E2F1: variants seen among roughly 807,000 people sequenced by gnomAD.
E2F1 encodes the protein E2F transcription factor 1, also known as transcription factor E2F1.
Under a neutral mutation model 36.9 loss-of-function variants are expected in E2F1, and 7 were observed. The ratio of observed to expected loss-of-function variants is 0.19; its 90% CI spans 0.11 to 0.36. The LOEUF is 0.36. Among genes scored for constraint, E2F1 ranks in the 10% least tolerant of loss-of-function variants. The pLI is 1.00. For synonymous variants in E2F1, 261 were observed against 263.1 expected (o/e 0.99, Z 0.08); for missense variants, 406 against 573.6 (o/e 0.71, Z 2.99).
chr20:33,685,232 A>C (rs2122553452), intron 1 of E2F1, among the ~76,000 whole-genome samples: 1 of 152,196 alleles, frequency 6.6e-6, no homozygotes, highest in Middle Eastern at 3.4e-3. Flanking sequence ...CTGATTAATG[A>C]GGTTCCATGG....
chr20:33,680,287 G>C (rs1316270880), intron 2 of E2F1, 39 bp downstream of exon 2: 2 of 1,595,278 alleles, frequency 1.3e-6, no homozygotes, highest in Non-Finnish European at 1.7e-6. Context: ...ACCTGGGCCT[G>C]GTCACAGGGG....
chr20:33,679,626 C>T lies in E2F1; in HGVS notation c.572+129G>A. 1 of 800,990 alleles carries T rather than the reference C, an allele frequency of 1.2e-6. No homozygotes were observed. The highest frequency in any genetic ancestry group is 2.1e-6 in the Non-Finnish European group (1 of 468,004). 49.6% of individuals were successfully genotyped at this position (800,990 alleles called of 1,614,324 possible). A position where few individuals can be genotyped will look rare whatever the true frequency, so the allele number is the denominator to read the frequency against. On this transcript the variant is annotated intron_variant, in intron 3 of 6. Transcript: ENST00000343380. The surrounding 1 kb of genome is among the most constrained non-coding windows in gnomAD (Gnocchi z 4.6). ...ACCATCTATCATCTCAGGGAAGCTA[C>T]CTCTCCTCTCTGAGCCCGTTTCCCC...
rs1775557886 is a variant in E2F1 at position 33,685,919 on chromosome 20, G to A, written c.261+85C>T. The A allele has an allele frequency of 9.6e-7, 1 of 1,045,674 alleles. No homozygotes were observed. Among genetic ancestry groups the A allele is most frequent in the Non-Finnish European group, 1.2e-6 (1 of 868,226 alleles). The allele number at this position is 1,045,674 out of a possible 1,614,324, so 64.8% of individuals were successfully genotyped here. A position where few individuals can be genotyped will look rare whatever the true frequency, so the allele number is the denominator to read the frequency against. The stretch of plus-strand genomic sequence containing the variant: ...GTCAACCCCTCCCCCGCCCCCTGCC[G>A]CCTCCAGGCCAAACACGGCGCCCTC... On this transcript the variant is annotated intron_variant, in intron 1 of 6. Transcript: ENST00000343380.
At position 33,675,794 on chromosome 20, in the gene E2F1, C is replaced by T. The variant is rs2017942453; in HGVS notation, c.*938G>A. 5.4e-6 allele frequency: 1 copy of T among 185,096 alleles called. No individual in the cohort carries two copies. The highest frequency in any genetic ancestry group is 2.4e-5 in the African/African-American group (1 of 42,158). The allele number at this position is 185,096 out of a possible 1,614,324, so 11.5% of individuals were successfully genotyped here. Reference sequence around the variant, plus strand: ...CAGAGCAGTGGGGAGGCAGGCGCTTCAGACACTGCAGGAGGGACCACAGGG... The same window carrying T: ...CAGAGCAGTGGGGAGGCAGGCGCTTTAGACACTGCAGGAGGGACCACAGGG... On this transcript the variant is annotated 3_prime_UTR_variant, in exon 7 of 7. Coordinates refer to ENST00000343380, the MANE Select transcript of E2F1 (RefSeq NM_005225.3).
chr20:33,686,365 C>A lies in E2F1; in HGVS notation c.-101G>T. On this transcript the variant is annotated 5_prime_UTR_variant, in exon 1 of 7. Coordinates refer to ENST00000343380, the MANE Select transcript of E2F1 (RefSeq NM_005225.3). ...GGCTCGATCCCGCTCCGCCCCCGGC[C>A]GCCGCTGCCTGCAAAGTCCCGGCCA... 1.1e-6 allele frequency: 1 copy of A among 944,388 alleles called. No individual in the cohort carries two copies. The highest frequency in any genetic ancestry group is 1.3e-6 in the Non-Finnish European group (1 of 791,626). The allele number at this position is 944,388 out of a possible 1,614,324, so 58.5% of individuals were successfully genotyped here. A position where few individuals can be genotyped will look rare whatever the true frequency, so the allele number is the denominator to read the frequency against.
chr20:33,680,231 A>G, intron 2 of E2F1, 95 bp downstream of exon 2: 1 of 1,379,844 alleles, frequency 7.2e-7, no homozygotes, highest in Non-Finnish European at 1.0e-6. Flanking sequence ...CAAGCCCGAC[A>G]AGCCAGACGT....
At chr20:33,677,006 C>G in intron 6 of E2F1, 27 bp from the exon 7 acceptor site, 1 of 1,557,282 alleles carries the variant, frequency 6.4e-7, no homozygotes. Context: ...CATCACAGGC[C>G]GGGGATGCCC....
chr20:33,682,368 T>G (rs1378724292), intron 1 of E2F1, among the ~76,000 whole-genome samples: 1 of 152,086 alleles, frequency 6.6e-6, no homozygotes, highest in African/African-American at 2.4e-5. Context: ...TTTTGGCAGG[T>G]GCTATGATGG....
chr20:33,676,877 T>A lies in E2F1; in HGVS notation c.1169A>T (p.Asp390Val). The part of the protein sequence containing the change: ...ADSLLEHVRE[D>V]FSGLLPEEFI... The stretch of plus-strand genomic sequence containing the variant: ...CTCCTCAGGGAGGAGGCCGGAGAAG[T>A]CCTCCCGCACATGCTCCAGGAGCGA... Residue 390 changes from aspartate to valine, a missense_variant, in exon 7 of 7, where the codon GAC (aspartate) becomes GTC (valine). By Grantham distance (152) the Asp-to-Val change is radical. Around this residue, in one of 5 missense-constraint regions of E2F1, gnomAD observed 163 missense variants for 181.5 expected, o/e 0.90. Transcript: ENST00000343380. 1 of 1,578,920 alleles carries A rather than the reference T, an allele frequency of 6.3e-7. No homozygotes were observed. The highest frequency in any genetic ancestry group is 8.6e-7 in the Non-Finnish European group (1 of 1,161,398).
chr20:33,676,941 C>T lies in E2F1; in HGVS notation c.1105G>A (p.Val369Met), dbSNP rs367723468. ...AGCGGGGACAGGCGGTCCTCGTCCA[C>T]GGGAGCCCGCAGGCTGCCCATCCGG... ...LSRMGSLRAP[V>M]DEDRLSPLVA... Residue 369 changes from valine (V) to methionine (M), a missense_variant, in exon 7 of 7, where the codon GTG (valine) becomes ATG (methionine). Val to Met is a conservative substitution (Grantham distance 21). Coordinates refer to ENST00000343380, the MANE Select transcript of E2F1 (RefSeq NM_005225.3). 6.1e-5 allele frequency: 96 copies of T among 1,563,496 alleles called. No individual in the cohort carries two copies. Among genetic ancestry groups the T allele is most frequent in the Non-Finnish European group, 7.3e-5 (84 of 1,152,202 alleles).
chr20:33,682,093 C>T (rs1053036316), intron 1 of E2F1, among the ~76,000 whole-genome samples: 3 of 151,864 alleles, frequency 2.0e-5, no homozygotes, highest in African/African-American at 7.3e-5. Context: ...CAAACCCAAC[C>T]TTTTGCCACA....
chr20:33,684,377 G>A (rs993616684), intron 1 of E2F1, among the ~76,000 whole-genome samples: 4 of 152,160 alleles, frequency 2.6e-5, no homozygotes, highest in African/African-American at 9.7e-5. Context: ...CAGGAGACAG[G>A]CCACCTGGCC....
intron 4 of E2F1, among the ~76,000 whole-genome samples, 178 bp from the exon 5 acceptor site, chr20:33,677,718 C>A (rs917755710): frequency 6.6e-6 from 1 of 152,198 alleles, no homozygotes; most frequent in African/African-American, 2.4e-5. Context: ...AATCACTCTA[C>A]CCATTGAATC....
At position 33,677,254 on chromosome 20, in the gene E2F1, A is replaced by T. The variant is rs1295204827; in HGVS notation, c.917T>A (p.Ile306Asn). 2 of 1,613,954 alleles carry T rather than the reference A, an allele frequency of 1.2e-6. No individual in the cohort carries two copies. Among genetic ancestry groups the T allele is most frequent in the African/African-American group, 1.3e-5 (1 of 74,872 alleles). ...CTGGGATGGGGTCTTCCCAGGGCTG[A>T]TCCCACCTACGGTCTCCTCAGGGCA... ...FLCPEETVGG[I>N]SPGKTPSQEV... The change falls in exon 6 of 7, where the codon ATC (isoleucine) becomes AAC (asparagine). Residue 306 changes from isoleucine (I) to asparagine (N), a missense_variant. By Grantham distance (149) the Ile-to-Asn change is moderately radical. This residue lies in a region of E2F1 where 163 missense variants were observed against 181.5 expected (regional missense o/e 0.90). Transcript: ENST00000343380.
intron 1 of E2F1, among the ~76,000 whole-genome samples, chr20:33,681,306 C>A (rs1220441292): frequency 6.6e-6 from 1 of 152,186 alleles, no homozygotes; most frequent in Non-Finnish European, 1.5e-5. Context: ...TCACTGTAGT[C>A]GTGCTGGGAC....
At chr20:33,678,865 C>A (rs1280972461) in intron 3 of E2F1, among the ~76,000 whole-genome samples, 1 of 152,082 alleles carries the variant, frequency 6.6e-6, no homozygotes, top group Non-Finnish European at 1.5e-5. Flanking sequence ...AGCTTGAGCC[C>A]AGGAGGTTGA....
intron 1 of E2F1, among the ~76,000 whole-genome samples, chr20:33,682,542 T>C (rs896898940): frequency 6.6e-6 from 1 of 152,170 alleles, no homozygotes; most frequent in Admixed American, 6.5e-5. Context: ...AACCCTAGCA[T>C]GCTTCTGCCA....
At position 33,676,801 on chromosome 20, in the gene E2F1, G is replaced by A. The variant is rs147013405; in HGVS notation, c.1245C>T (p.Leu415=). Residue 415 remains leucine (L), a synonymous_variant, in exon 7 of 7, where the codon CTC becomes CTT. Transcript: ENST00000343380. ...PHEALDYHFG[L]EEGEGIRDLF... is the part of the protein sequence containing the mutation. ...GGTCTCTGATGCCCTCGCCCTCCTC[G>A]AGGCCGAAGTGGTAGTCGAGGGCCT... The A allele has an allele frequency of 4.6e-4, 738 of 1,603,292 alleles. No homozygotes were observed. Among genetic ancestry groups the A allele is most frequent in the Middle Eastern group, 2.8e-3 (17 of 6,046 alleles).
rs1568911744 is a variant in E2F1 at position 33,686,313 on chromosome 20, G to A, written c.-49C>T. 4 of 995,526 alleles carry A rather than the reference G, an allele frequency of 4.0e-6. No individual in the cohort carries two copies. The highest frequency in any genetic ancestry group is 4.8e-6 in the Non-Finnish European group (4 of 837,404). 61.7% of individuals were successfully genotyped at this position (995,526 alleles called of 1,614,324 possible). On this transcript the variant is annotated 5_prime_UTR_variant, in exon 1 of 7. Transcript: ENST00000343380. ...GGGTGACAGGCGGCGGCGGCGGCGC[G>A]GGCCCATGGCGGCAGGCCTCGGCGA... is the stretch of plus-strand genomic sequence containing the variant.
Sources: gnomAD v4.1 joint callset for allele counts (sites outside exome capture counted in the v4.1 genomes callset) on GRCh38, gnomAD v4.1.1 for gene constraint, gnomAD v4.1.1 regional missense constraint, Gnocchi (gnomAD v3.1) non-coding constraint, MANE v1.5 for transcripts, NCBI Gene and HGNC (gene_info 2026-07-23, HGNC 2026-07-21) for gene names.